KIF3A: variants seen among roughly 807,000 people sequenced by gnomAD.
The protein encoded by KIF3A is kinesin-like protein KIF3A.
A neutral mutation model predicts 92.6 loss-of-function variants in KIF3A; 27 were observed. The ratio of observed to expected loss-of-function variants is 0.29; its 90% CI spans 0.21 to 0.40. The LOEUF is 0.40. Among genes scored for constraint, KIF3A ranks in the 10% least tolerant of loss-of-function variants. The pLI, the probability that KIF3A is intolerant of heterozygous loss-of-function variation, is 1.00. For missense variants in KIF3A, 581 were observed against 872.6 expected, an observed-to-expected ratio of 0.67 and a Z score of 4.21; for synonymous variants, 250 against 275.4, an observed-to-expected ratio of 0.91 and a Z score of 0.92.
intron 4 of KIF3A, chr5:132,723,216 C>T (rs1443367672): frequency 6.6e-6 from 1 of 152,114 alleles, no homozygotes; most frequent in African/African-American, 2.4e-5. Context: ...TGAAAATGGC[C>T]ATACTGCCCA....
chr5:132,720,851 G>A, intron 4 of KIF3A, 137 bp from the exon 5 acceptor site: 1 of 519,986 alleles, frequency 1.9e-6, no homozygotes, highest in Non-Finnish European at 3.4e-6. Flanking sequence ...CACGCATGGA[G>A]ATGTCTATAG....
intron 5 of KIF3A, among the ~76,000 whole-genome samples, chr5:132,719,906 T>C (rs2149910255): frequency 6.6e-6 from 1 of 152,358 alleles, no homozygotes; most frequent in African/African-American, 2.4e-5. Flanking sequence ...CTAAAAAGAA[T>C]ACAATTTTTT....
intron 2 of KIF3A, among the ~76,000 whole-genome samples, chr5:132,728,130 A>C (rs1196141870): frequency 6.6e-6 from 1 of 152,234 alleles, no homozygotes; most frequent in East Asian, 1.9e-4. Flanking sequence ...AAATTATTAA[A>C]TAAAAAATAA....
intron 10 of KIF3A, 76 bp from the exon 11 acceptor site, chr5:132,706,535 C>T (rs1245368558): frequency 2.5e-6 from 3 of 1,199,974 alleles, no homozygotes; most frequent in East Asian, 2.8e-5. Context: ...AAAAGGAAAA[C>T]ATTATTTCTC....
intron 4 of KIF3A, among the ~76,000 whole-genome samples, chr5:132,721,182 A>C (rs2051809): frequency 0.58 from 88,746 of 151,936 alleles, 28,098 homozygotes; most frequent in Non-Finnish European, 0.73. Flanking sequence ...ATCTGGTTAT[A>C]TAGGAAGACA....
chr5:132,730,284 C>T (rs1038553375), intron 2 of KIF3A, among the ~76,000 whole-genome samples: 4 of 151,450 alleles, frequency 2.6e-5, no homozygotes, highest in Admixed American at 1.3e-4. Flanking sequence ...CTGGCCAATA[C>T]GGTGAAACCC....
chr5:132,731,305 A>G (rs1754220401), intron 2 of KIF3A, among the ~76,000 whole-genome samples: 2 of 152,230 alleles, frequency 1.3e-5, no homozygotes, highest in Non-Finnish European at 2.9e-5. Flanking sequence ...CAATATATGA[A>G]CAGAATAATG....
In KIF3A at chr5:132,716,889, T is replaced by C; in HGVS notation, c.712A>G (p.Asn238Asp). ...AGCTTCCCCATCCTGACATGCATGT[T>C]ACCATCAATGCCTTTTTCACTGCAT... is the stretch of plus-strand genomic sequence containing the variant. ...IECSEKGIDGNMHVRMGKLHL... is the reference protein window; with the variant it reads ...IECSEKGIDGDMHVRMGKLHL... The change falls in exon 6 of 19, where the codon AAC becomes GAC. Residue 238 changes from asparagine to aspartate, a missense_variant. Physicochemically the swap from Asn to Asp is conservative, Grantham distance 23 (BLOSUM62 1). Around this residue, in one of 5 missense-constraint regions of KIF3A, gnomAD observed 217 missense variants for 299.7 expected, o/e 0.72. Coordinates refer to ENST00000403231, the MANE Select transcript of KIF3A (RefSeq NM_001300791.2). 6.2e-7 allele frequency: 1 copy of C among 1,613,976 alleles called. No homozygotes were observed. Among genetic ancestry groups the C allele is most frequent in the South Asian group, 1.1e-5 (1 of 91,078 alleles).
Position 132,703,593 on chromosome 5 carries a change from T to C in KIF3A, c.1336A>G (p.Met446Val), listed in dbSNP as rs1753116878. Residue 446 changes from methionine to valine, a missense_variant, in exon 12 of 19, where the codon ATG becomes GTG. Around this residue, in one of 5 missense-constraint regions of KIF3A, gnomAD observed 167 missense variants for 205.8 expected, o/e 0.81. Transcript: ENST00000403231. ...TCAATTTTTGCTTGCATTTCAATCA[T>C]CTTGTCTGGGGAGACTTTCTTTTTT... ...AGKKKVSPDK[M>V]IEMQAKIDEE... The C allele has an allele frequency of 1.2e-6, 2 of 1,611,268 alleles. No individual in the cohort carries two copies. The highest frequency in any genetic ancestry group is 2.2e-5 in the East Asian group (1 of 44,746).
At chr5:132,709,424 C>T (rs1753339053) in intron 9 of KIF3A, among the ~76,000 whole-genome samples, 1 of 152,156 alleles carries the variant, frequency 6.6e-6, no homozygotes, top group African/African-American at 2.4e-5. Context: ...GTTAGTCTAT[C>T]TCCACTTTCA....
At position 132,737,525 on chromosome 5, in the gene KIF3A, G is replaced by T; in HGVS notation, c.-106C>A. ...GAGACTACCGAAACACCTCGTTGAC[G>T]CTCTCGAGACTGCGGCTTCTCGGGC... On this transcript the variant is annotated 5_prime_UTR_variant, in exon 1 of 19. Coordinates refer to ENST00000403231, the MANE Select transcript of KIF3A (RefSeq NM_001300791.2). The T allele has an allele frequency of 1.5e-6, 2 of 1,345,188 alleles. No homozygotes were observed. Among genetic ancestry groups the T allele is most frequent in the East Asian group, 2.7e-5 (1 of 37,276 alleles). The allele number at this position is 1,345,188 out of a possible 1,614,324, so 83.3% of individuals were successfully genotyped here. A position where few individuals can be genotyped will look rare whatever the true frequency, so the allele number is the denominator to read the frequency against.
intron 10 of KIF3A, among the ~76,000 whole-genome samples, chr5:132,708,313 C>G (rs1341281565): frequency 6.8e-6 from 1 of 147,932 alleles, no homozygotes; most frequent in African/African-American, 2.5e-5. Context: ...AAGAACTTTT[C>G]TTAAAATCTA....
At chr5:132,724,814 TATATATATATATATATATATATATATATA>T (rs1753973762) in intron 4 of KIF3A, among the ~76,000 whole-genome samples, 6 of 13,730 alleles carry the variant, frequency 4.4e-4, no homozygotes, top group African/African-American at 1.1e-3. Flanking sequence ...AAAATATATA[TATATATATATATATATATATATATATATA>T]TATATATATA....
At chr5:132,699,418 T>C (rs1052291949) in intron 17 of KIF3A, 123 bp from the exon 18 acceptor site, 1 of 913,076 alleles carries the variant, frequency 1.1e-6, no homozygotes, top group Non-Finnish European at 1.7e-6. Context: ...ACCAAAGAAA[T>C]GTCTAATGAC....
intron 2 of KIF3A, among the ~76,000 whole-genome samples, chr5:132,726,708 T>C (rs891890692): frequency 6.6e-5 from 10 of 152,094 alleles, no homozygotes; most frequent in African/African-American, 2.4e-4. Flanking sequence ...ATGAGAGATA[T>C]CCCTAAGAAT....
At position 132,702,068 on chromosome 5, in the gene KIF3A, C is replaced by A; in HGVS notation, c.1884+19G>T. 6.3e-7 allele frequency: 1 copy of A among 1,599,656 alleles called. No individual in the cohort carries two copies. The highest frequency in any genetic ancestry group is 1.3e-5 in the African/African-American group (1 of 74,788). ...ATCCCAGTCAAGCGACTATCTCGGT[C>A]AGAGAACTTCCTTTTTACCTGATAA... On this transcript the variant is annotated intron_variant, in intron 15 of 18. Coordinates refer to ENST00000403231, the MANE Select transcript of KIF3A (RefSeq NM_001300791.2).
chr5:132,713,648 A>T (rs528450855), intron 8 of KIF3A, among the ~76,000 whole-genome samples: 9 of 152,284 alleles, frequency 5.9e-5, no homozygotes, highest in African/African-American at 2.2e-4. Context: ...TAAAACAAGA[A>T]TTCAAACAGG....
chr5:132,724,826 TA>T (rs1753975955), intron 4 of KIF3A, among the ~76,000 whole-genome samples: 1 of 17,348 alleles, frequency 5.8e-5, no homozygotes, highest in African/African-American at 1.0e-4. Flanking sequence ...TATATATATA[TA>T]TATATATATA....
intron 2 of KIF3A, among the ~76,000 whole-genome samples, chr5:132,727,326 T>G (rs1027804923): frequency 6.6e-6 from 1 of 152,158 alleles, no homozygotes; most frequent in South Asian, 2.1e-4. Context: ...GGGTTTATCA[T>G]GATGATGAGT....
Sources: gnomAD v4.1 joint callset for allele counts (sites outside exome capture counted in the v4.1 genomes callset) on GRCh38, gnomAD v4.1.1 for gene constraint, gnomAD v4.1.1 regional missense constraint, MANE v1.5 for transcripts, NCBI Gene and HGNC (gene_info 2026-07-23, HGNC 2026-07-21) for gene names.